Variants in FAM178B observed in about 807,000 individuals in gnomAD.
FAM178B encodes family with sequence similarity 178 member B.
Under a neutral mutation model 91.7 loss-of-function variants are expected in FAM178B, and 82 were observed. That is an observed-to-expected ratio of 0.89 (90% CI 0.75 to 1.07). The LOEUF (loss-of-function observed/expected upper bound fraction) is 1.07. Among genes scored for constraint, FAM178B ranks in the 50% least tolerant of loss-of-function variants. The pLI is 0.00. For synonymous variants in FAM178B, 368 were observed against 359.4 expected (o/e 1.02, Z -0.27); for missense variants, 769 against 846.7 (o/e 0.91, Z 1.14).
At chr2:96,891,960 G>A (rs181797336) in intron 14 of FAM178B, among the ~76,000 whole-genome samples, 17 of 152,346 alleles carry the variant, frequency 1.1e-4, no homozygotes, top group African/African-American at 2.4e-4. Context: ...CCATGGCACT[G>A]AAGGGAAACG....
Position 96,937,782 on chromosome 2 carries a change from T to G in FAM178B, c.1079-8462A>C, listed in dbSNP as rs533724723. Among the ~76,000 whole-genome samples the G allele has an allele frequency of 1.2e-4, 18 of 152,240 alleles. No individual in the cohort carries two copies. In the East Asian group the frequency reaches 2.7e-3, roughly 23 times the overall value. On this transcript the variant is annotated intron_variant, in intron 8 of 16. Transcript: ENST00000490605. The stretch of plus-strand genomic sequence containing the variant: ...GGCTCACATCTATAATCCCCACAAG[T>G]TGGGAGGCCCAGGCAGGCAGATCGC...
intron 4 of FAM178B, among the ~76,000 whole-genome samples, chr2:96,969,793 A>C (rs1378266340): frequency 9.9e-5 from 15 of 152,246 alleles, no homozygotes; most frequent in Non-Finnish European, 2.2e-4. Flanking sequence ...CAGCAGAGGC[A>C]GATGAGATGA....
At chr2:96,876,449 C>T (rs2080244115) in intron 16 of FAM178B, 141 bp from the exon 17 acceptor site, 2 of 1,062,592 alleles carry the variant, frequency 1.9e-6, no homozygotes, top group South Asian at 1.5e-5. Context: ...TGCCTGGGTT[C>T]ACACTACTGG....
intron 6 of FAM178B, among the ~76,000 whole-genome samples, chr2:96,955,200 T>C (rs1198713976): frequency 6.6e-6 from 1 of 152,010 alleles, no homozygotes; most frequent in Non-Finnish European, 1.5e-5. Flanking sequence ...ACCCCGTCTC[T>C]ACTAAATATA....
intron 8 of FAM178B, among the ~76,000 whole-genome samples, chr2:96,933,487 T>G (rs1284343972): frequency 6.6e-6 from 1 of 152,174 alleles, no homozygotes; most frequent in African/African-American, 2.4e-5. Context: ...CTGGCACCTC[T>G]TACATGGAAT....
chr2:96,971,894 G>C lies in FAM178B; in HGVS notation c.564+7C>G. 1 of 1,480,982 alleles carries C rather than the reference G, an allele frequency of 6.8e-7. No homozygotes were observed. The highest frequency in any genetic ancestry group is 9.0e-7 in the Non-Finnish European group (1 of 1,114,540). The allele number at this position is 1,480,982 out of a possible 1,614,324, so 91.7% of individuals were successfully genotyped here. ...GGAGAAGAGGCCAAGGGTGGACACA[G>C]GCTCACCTCTGGGGCCGCAGCCTGC... On this transcript the variant is annotated splice_region_variant and intron_variant, in intron 3 of 16. Coordinates refer to ENST00000490605, the MANE Select transcript of FAM178B (RefSeq NM_001122646.3).
chr2:96,876,957 G>A (rs1162894722), intron 16 of FAM178B, among the ~76,000 whole-genome samples: 2 of 152,150 alleles, frequency 1.3e-5, no homozygotes, highest in African/African-American at 4.8e-5. Flanking sequence ...CTCATGCCCT[G>A]ATTCTGACAT....
chr2:96,947,870 T>A lies in FAM178B; in HGVS notation c.1026A>T (p.Gly342=). 2 of 1,546,692 alleles carry A rather than the reference T, an allele frequency of 1.3e-6. No homozygotes were observed. The highest frequency in any genetic ancestry group is 1.7e-6 in the Non-Finnish European group (2 of 1,144,294). The change falls in exon 8 of 17, where the codon GGA becomes GGT. Residue 342 remains glycine (G), a synonymous_variant. Transcript: ENST00000490605. ...TGAGATCCCACAGAAGACCAAAGGCTCCCAAAGATGTTTCTGGAGGCCATG... is the reference window on the plus strand; with the variant it reads ...TGAGATCCCACAGAAGACCAAAGGCACCCAAAGATGTTTCTGGAGGCCATG... ...LLTWPPETSL[G]AFGLLWDLIV... is the part of the protein sequence containing the mutation.
intron 1 of FAM178B, among the ~76,000 whole-genome samples, chr2:96,983,584 C>T (rs1173453317): frequency 6.6e-6 from 1 of 152,184 alleles, no homozygotes; most frequent in Non-Finnish European, 1.5e-5. Context: ...TGCCACCATG[C>T]CCAGCTAATT....
rs368974075 is a variant in FAM178B at position 96,904,010 on chromosome 2, G to A, written c.1563-1303C>T. On this transcript the variant is annotated intron_variant, in intron 12 of 16. Transcript: ENST00000490605. The stretch of plus-strand genomic sequence containing the variant: ...GCCAACACGAGCTGGGGCCATGCCA[G>A]GTGCTGGTGGGGGCGCAGGGTTATG... Among the ~76,000 whole-genome samples the A allele has an allele frequency of 2.0e-5, 3 of 152,064 alleles. No individual in the cohort carries two copies. In the East Asian group the frequency reaches 5.8e-4, roughly 29 times the overall value.
At chr2:96,971,468 T>A (rs1385999856) in intron 3 of FAM178B, among the ~76,000 whole-genome samples, 1 of 152,100 alleles carries the variant, frequency 6.6e-6, no homozygotes, top group Admixed American at 6.6e-5. Flanking sequence ...AGGAGCTTAC[T>A]CCCAATTTGA....
At chr2:96,910,841 G>A (rs1196189116) in intron 12 of FAM178B, among the ~76,000 whole-genome samples, 4 of 148,342 alleles carry the variant, frequency 2.7e-5, no homozygotes, top group African/African-American at 1.0e-4. Flanking sequence ...CTGTCGCCCA[G>A]GCTGGAGTGC....
chr2:96,967,459 G>C, intron 5 of FAM178B, 61 bp downstream of exon 5: 3 of 1,057,658 alleles, frequency 2.8e-6, no homozygotes, highest in Non-Finnish European at 1.4e-6. Context: ...TCCAAAACCA[G>C]AGGGGGTTGG....
At chr2:96,884,729 A>C (rs919007147) in intron 14 of FAM178B, among the ~76,000 whole-genome samples, 3 of 152,038 alleles carry the variant, frequency 2.0e-5, no homozygotes, top group African/African-American at 7.2e-5. Flanking sequence ...AAACCGCACA[A>C]CCTCTTCCCC....
intron 14 of FAM178B, among the ~76,000 whole-genome samples, chr2:96,882,396 GGGGCAGGCACGGGAGTGGTGCA>G (rs1208652180): frequency 6.6e-6 from 1 of 152,262 alleles, no homozygotes; most frequent in East Asian, 1.9e-4. Context: ...CAACGTGGCA[GGGGCAGGCACGGGAGTGGTGCA>G]GGGCAGGCAG....
intron 5 of FAM178B, 47 bp from the exon 6 acceptor site, chr2:96,960,487 C>T (rs759216322): frequency 2.0e-5 from 30 of 1,496,882 alleles, no homozygotes; most frequent in Middle Eastern, 1.7e-4. Context: ...AGATGCACCT[C>T]GGCCTGAGGC....
chr2:96,893,662 G>C (rs529152555), intron 14 of FAM178B, among the ~76,000 whole-genome samples: 1 of 152,150 alleles, frequency 6.6e-6, no homozygotes, highest in South Asian at 2.1e-4. Flanking sequence ...AGGCACACAA[G>C]CAGGGACAGG....
At chr2:96,907,372 T>C (rs1031638077) in intron 12 of FAM178B, among the ~76,000 whole-genome samples, 2 of 152,120 alleles carry the variant, frequency 1.3e-5, no homozygotes, top group East Asian at 3.9e-4. Context: ...GCAGAGGGGC[T>C]GGCTGAGGCT....
At chr2:96,949,811 AGAG>A (rs2081894298) in intron 7 of FAM178B, among the ~76,000 whole-genome samples, 1 of 152,246 alleles carries the variant, frequency 6.6e-6, no homozygotes. Context: ...ACCCAGGCCC[AGAG>A]CAGAGCTCTG....
Sources: allele counts gnomAD v4.1 joint callset (sites outside exome capture counted in the v4.1 genomes callset), GRCh38; gene constraint gnomAD v4.1.1; transcripts MANE v1.5; gene names NCBI Gene and HGNC (gene_info 2026-07-23, HGNC 2026-07-21).